The following CORO2A variants were observed in gnomAD, a reference collection of about 807,000 sequenced individuals.
CORO2A encodes coronin-2A.
Under a neutral mutation model 62.4 loss-of-function variants are expected in CORO2A, and 47 were observed. The observed-to-expected ratio is 0.75, with a 90% CI of 0.60 to 0.96. The LOEUF is 0.96. Among genes scored for constraint, CORO2A ranks in the 40% least tolerant of loss-of-function variants. The pLI, the probability that CORO2A is intolerant of heterozygous loss-of-function variation, is 0.00. For missense variants in CORO2A, 610 were observed against 684.1 expected (o/e 0.89, Z 1.21); for synonymous variants, 273 against 268.9 (o/e 1.02, Z -0.15).
intron 1 of CORO2A, among the ~76,000 whole-genome samples, chr9:98,173,170 G>C (rs1312189478): frequency 6.6e-6 from 1 of 152,204 alleles, no homozygotes; most frequent in Non-Finnish European, 1.5e-5. Flanking sequence ...AACTCCGATT[G>C]TTGGGCCCCA....
chr9:98,182,625 C>A (rs897846785), intron 1 of CORO2A, among the ~76,000 whole-genome samples: 4 of 152,162 alleles, frequency 2.6e-5, no homozygotes, highest in African/African-American at 4.8e-5. Context: ...CTAATTAGAC[C>A]AGGTTCAAAG....
At chr9:98,153,714 G>A (rs1827761906) in intron 2 of CORO2A, among the ~76,000 whole-genome samples, 1 of 143,686 alleles carries the variant, frequency 7.0e-6, no homozygotes, top group Non-Finnish European at 1.5e-5. Flanking sequence ...ACCCCGAGAG[G>A]CAAAATGTTA....
At chr9:98,144,193 A>G (rs1587998362) in intron 2 of CORO2A, among the ~76,000 whole-genome samples, 1 of 68,410 alleles carries the variant, frequency 1.5e-5, no homozygotes, top group Admixed American at 1.1e-4. Context: ...TGTTTCGAAG[A>G]AAAAAAAAAA....
chr9:98,135,046 G>A, intron 3 of CORO2A, 91 bp from the exon 4 acceptor site: 3 of 1,520,636 alleles, frequency 2.0e-6, no homozygotes, highest in Non-Finnish European at 1.8e-6. Context: ...GTGACCAGCA[G>A]AAGGACCAAG....
rs534863809 is a variant in CORO2A, at chr9:98,171,409, T to C, written c.1-13749A>G. On this transcript the variant is annotated intron_variant, in intron 1 of 11. Transcript: ENST00000375077. ...CCCAGAGTCAGTTCAGCCAACATCA[T>C]TGGTGCCCACTCTGAGCCTGATGCC... Among the ~76,000 whole-genome samples, 8 of 152,270 alleles carry C rather than the reference T, an allele frequency of 5.3e-5. No individual in the cohort carries two copies. The East Asian group carries it at 5.8e-4, about 11-fold the overall frequency.
intron 1 of CORO2A, among the ~76,000 whole-genome samples, chr9:98,175,817 G>T (rs1308053996): frequency 6.6e-6 from 1 of 152,180 alleles, no homozygotes; most frequent in Non-Finnish European, 1.5e-5. Context: ...CCATAAAATG[G>T]GGATGATAAC....
chr9:98,176,127 G>A (rs527259250), intron 1 of CORO2A, among the ~76,000 whole-genome samples: 2 of 152,210 alleles, frequency 1.3e-5, no homozygotes, highest in South Asian at 4.1e-4. Flanking sequence ...CTAAACATTC[G>A]GCGGGGGGTG....
intron 1 of CORO2A, among the ~76,000 whole-genome samples, chr9:98,165,445 A>G (rs1053204586): frequency 6.6e-6 from 1 of 152,194 alleles, no homozygotes; most frequent in African/African-American, 2.4e-5. Context: ...TCAATCTCCA[A>G]TCTTCATCTG....
chr9:98,186,340 T>C lies in CORO2A; in HGVS notation c.-1+6219A>G, dbSNP rs937262562. Among the ~76,000 whole-genome samples the C allele has an allele frequency of 5.3e-5, 8 of 152,066 alleles. No individual in the cohort carries two copies. The East Asian group carries it at 1.5e-3, about 29-fold the overall frequency. ...TAATGGAACCCACCAACTCTGACAT[T>C]CCAGGGATGGACTACAGGCAGCAGG... On this transcript the variant is annotated intron_variant, in intron 1 of 11. Coordinates refer to ENST00000375077, the MANE Select transcript of CORO2A (RefSeq NM_052820.4).
rs934392913 is a variant in CORO2A, at chr9:98,124,384, C to T, written c.*390G>A. On this transcript the variant is annotated 3_prime_UTR_variant, in exon 12 of 12. Transcript: ENST00000375077. Reference sequence around the variant, plus strand: ...CCTCCCAGAGTGCTGGGATTACAGGCATGAGCCACTGCGTCTGGCCCAGTC... The same window carrying T: ...CCTCCCAGAGTGCTGGGATTACAGGTATGAGCCACTGCGTCTGGCCCAGTC... 1 of 154,614 alleles carries T rather than the reference C, an allele frequency of 6.5e-6. No individual in the cohort carries two copies. The highest frequency in any genetic ancestry group is 2.4e-5 in the African/African-American group (1 of 41,500). 9.6% of individuals were successfully genotyped at this position (154,614 alleles called of 1,614,324 possible). A position where few individuals can be genotyped will look rare whatever the true frequency, so the allele number is the denominator to read the frequency against.
chr9:98,128,599 G>A lies in CORO2A; in HGVS notation c.1080+8C>T. The A allele has an allele frequency of 6.2e-7, 1 of 1,613,140 alleles. No individual in the cohort carries two copies. Among genetic ancestry groups the A allele is most frequent in the Non-Finnish European group, 8.5e-7 (1 of 1,179,112 alleles). ...ACCTGCCTCCCATGCGGTCCCGACT[G>A]CCCTTACCCGCCGGGGCACAATCAT... On this transcript the variant is annotated splice_region_variant and intron_variant, in intron 9 of 11. Transcript: ENST00000375077.
At chr9:98,190,788 A>C (rs948158531) in intron 1 of CORO2A, among the ~76,000 whole-genome samples, 3 of 152,246 alleles carry the variant, frequency 2.0e-5, no homozygotes, top group Non-Finnish European at 4.4e-5. Flanking sequence ...AGATGACAGG[A>C]GACCCAGGTA....
In CORO2A at chr9:98,128,372, A is replaced by C. The variant is rs1827358066; in HGVS notation, c.1081-112T>G. On this transcript the variant is annotated intron_variant, in intron 9 of 11. Coordinates refer to ENST00000375077, the MANE Select transcript of CORO2A (RefSeq NM_052820.4). ...CACCAACCCCTGCTGAATTGAGGAA[A>C]CTGAGGCCCAGAGAACAAAGGGACT... The C allele has an allele frequency of 7.7e-6, 7 of 911,396 alleles. No individual in the cohort carries two copies. The South Asian group carries it at 9.4e-5, about 12-fold the overall frequency. The allele number at this position is 911,396 out of a possible 1,614,324, so 56.5% of individuals were successfully genotyped here. A position where few individuals can be genotyped will look rare whatever the true frequency, so the allele number is the denominator to read the frequency against.
At chr9:98,181,340 T>TA (rs1259833531) in intron 1 of CORO2A, among the ~76,000 whole-genome samples, 2 of 148,856 alleles carry the variant, frequency 1.3e-5, no homozygotes, top group East Asian at 4.6e-4. Context: ...CTTGCTTTTT[T>TA]TTTTTTTTTT....
Position 98,136,581 on chromosome 9 carries a change from ATG to A in CORO2A, c.318+989_318+990del, listed in dbSNP as rs1357575575. On this transcript the variant is annotated intron_variant, in intron 3 of 11. Transcript: ENST00000375077. ...CATCTGTGGCTGCTTCTCTTTAAAG[ATG>A]TGTCACAGCACATTGGAAAGAGAAT... 4.6e-5 allele frequency among the ~76,000 whole-genome samples: 7 copies of A among 152,302 alleles called. No individual in the cohort carries two copies. In the East Asian group the frequency reaches 1.3e-3, roughly 29 times the overall value.
chr9:98,178,122 T>C (rs1266014402), intron 1 of CORO2A, among the ~76,000 whole-genome samples: 1 of 152,140 alleles, frequency 6.6e-6, no homozygotes, highest in African/African-American at 2.4e-5. Context: ...TCATAGCTCA[T>C]TGTAGCCTCC....
intron 1 of CORO2A, among the ~76,000 whole-genome samples, chr9:98,168,385 C>T (rs534092980): frequency 5.3e-5 from 8 of 152,354 alleles, no homozygotes; most frequent in South Asian, 4.1e-4. Context: ...TACTAGCTAA[C>T]GCCTATATTA....
chr9:98,185,501 A>G (rs1250405119), intron 1 of CORO2A, among the ~76,000 whole-genome samples: 8 of 152,210 alleles, frequency 5.3e-5, no homozygotes, highest in Admixed American at 2.0e-4. Context: ...GCTCCACTGC[A>G]TCCCTTGTTG....
rs1225728145 is a variant in CORO2A, at chr9:98,150,459, C to A, written c.201+7001G>T. ...TGTTTGCATGTTCTATTTGTTCTGC[C>A]AGCATACTCTCCCTTTAGAGCCTCA... On this transcript the variant is annotated intron_variant, in intron 2 of 11. Coordinates refer to ENST00000375077, the MANE Select transcript of CORO2A (RefSeq NM_052820.4). Among the ~76,000 whole-genome samples, 5 of 152,268 alleles carry A rather than the reference C, an allele frequency of 3.3e-5. No individual in the cohort carries two copies. The East Asian group carries it at 7.7e-4, about 24-fold the overall frequency.
Sources: allele counts gnomAD v4.1 joint callset (sites outside exome capture counted in the v4.1 genomes callset), GRCh38; gene constraint gnomAD v4.1.1; transcripts MANE v1.5; gene names NCBI Gene and HGNC (gene_info 2026-07-23, HGNC 2026-07-21).